The following TEK variants were observed in gnomAD, a reference collection of about 807,000 sequenced individuals.
TEK encodes the protein angiopoietin-1 receptor.
Under a neutral mutation model 131.8 loss-of-function variants are expected in TEK, and 43 were observed. The ratio of observed to expected loss-of-function variants is 0.33; its 90% CI spans 0.26 to 0.42. The LOEUF is 0.42. Among genes scored for constraint, TEK ranks in the 10% least tolerant of loss-of-function variants. TEK has a pLI of 1.00. For synonymous variants in TEK, 580 were observed against 491.6 expected (o/e 1.18, Z -2.38); for missense variants, 1,162 against 1,384.4 (o/e 0.84, Z 2.55).
At chr9:27,175,744 A>G (rs1268469820) in intron 6 of TEK, among the ~76,000 whole-genome samples, 1 of 152,138 alleles carries the variant, frequency 6.6e-6, no homozygotes, top group East Asian at 1.9e-4. Context: ...GCCAGTGATG[A>G]TGAGCATTTT....
chr9:27,136,167 C>G (rs1822426820), intron 1 of TEK, among the ~76,000 whole-genome samples: 1 of 150,924 alleles, frequency 6.6e-6, no homozygotes, highest in Admixed American at 6.6e-5. Flanking sequence ...CTGCAACCTC[C>G]CCATCCCAGG....
At chr9:27,180,148 G>T (rs1824309657) in intron 6 of TEK, 92 bp from the exon 7 acceptor site, 1 of 1,572,604 alleles carries the variant, frequency 6.4e-7, no homozygotes, top group Non-Finnish European at 8.7e-7. Context: ...AAAGTTGATG[G>T]CTTAGAGAGA....
chr9:27,109,243 A>T lies in TEK; in HGVS notation c.-348A>T. ...AAAATTCCTCTGCCCCTACAGCAGC[A>T]GCAAAAGCAGCAGCAGAAGCAACAG... On this transcript the variant is annotated 5_prime_UTR_variant, in exon 1 of 23. Coordinates refer to ENST00000380036, the MANE Select transcript of TEK (RefSeq NM_000459.5). The T allele has an allele frequency of 1.9e-6, 1 of 531,494 alleles. No homozygotes were observed. The highest frequency in any genetic ancestry group is 3.3e-6 in the Non-Finnish European group (1 of 305,614). 32.9% of individuals were successfully genotyped at this position (531,494 alleles called of 1,614,324 possible). A position where few individuals can be genotyped will look rare whatever the true frequency, so the allele number is the denominator to read the frequency against.
chr9:27,126,236 C>G (rs1821983935), intron 1 of TEK, among the ~76,000 whole-genome samples: 1 of 152,136 alleles, frequency 6.6e-6, no homozygotes, highest in South Asian at 2.1e-4. Context: ...ACAAAGCTTA[C>G]CTAACACATA....
chr9:27,173,197 A>C (rs748761758), intron 5 of TEK, 25 bp from the exon 6 acceptor site: 1 of 1,613,898 alleles, frequency 6.2e-7, no homozygotes, highest in Admixed American at 1.7e-5. Flanking sequence ...TTGACTCTGA[A>C]TCATCTTTTC....
At chr9:27,142,845 G>A (rs1336065444) in intron 1 of TEK, among the ~76,000 whole-genome samples, 1 of 152,206 alleles carries the variant, frequency 6.6e-6, no homozygotes, top group African/African-American at 2.4e-5. Context: ...GAGGTATAAT[G>A]TCTAATTCAT....
At chr9:27,170,045 A>G (rs753223377) in intron 4 of TEK, among the ~76,000 whole-genome samples, 3 of 152,158 alleles carry the variant, frequency 2.0e-5, no homozygotes, top group Non-Finnish European at 4.4e-5. Flanking sequence ...ATTTACAATC[A>G]TGGCAAAAGA....
intron 1 of TEK, among the ~76,000 whole-genome samples, chr9:27,136,372 G>T (rs891307184): frequency 6.6e-6 from 1 of 152,114 alleles, no homozygotes; most frequent in Non-Finnish European, 1.5e-5. Flanking sequence ...GAGCCACTGC[G>T]CCGGTCCCTA....
intron 2 of TEK, among the ~76,000 whole-genome samples, chr9:27,164,462 G>A (rs934370918): frequency 4.0e-5 from 6 of 151,898 alleles, no homozygotes; most frequent in Non-Finnish European, 8.8e-5. Flanking sequence ...TGGGACTACA[G>A]GCGCCCGCTA....
chr9:27,224,049 TG>T lies in TEK; in HGVS notation c.3200+3905del, dbSNP rs1175029177. On this transcript the variant is annotated intron_variant, in intron 21 of 22. Transcript: ENST00000380036. ...ATTCATGGACACATACATCCTCCTATGTTTAAACCAGGAAGAAGTCGAATCC... is the reference window on the plus strand; with the variant it reads ...ATTCATGGACACATACATCCTCCTATTTTAAACCAGGAAGAAGTCGAATCC... 2.0e-5 allele frequency among the ~76,000 whole-genome samples: 3 copies of T among 152,172 alleles called. No individual in the cohort carries two copies. In the East Asian group the frequency reaches 5.8e-4, roughly 29 times the overall value.
chr9:27,163,580 T>C (rs1192546806), intron 2 of TEK, among the ~76,000 whole-genome samples: 2 of 152,110 alleles, frequency 1.3e-5, no homozygotes, highest in East Asian at 1.9e-4. Flanking sequence ...GTGGCTGGAA[T>C]TGAGAGCTAA....
chr9:27,169,346 C>A, intron 3 of TEK, 131 bp from the exon 4 acceptor site: 2 of 1,193,060 alleles, frequency 1.7e-6, no homozygotes, highest in Non-Finnish European at 1.2e-6. Context: ...TTTCATTCTT[C>A]TCCCACATCC....
At chr9:27,149,443 T>C (rs1587519414) in intron 1 of TEK, among the ~76,000 whole-genome samples, 1 of 151,794 alleles carries the variant, frequency 6.6e-6, no homozygotes, top group African/African-American at 2.4e-5. Context: ...GTGTTTATTA[T>C]GTATTATATA....
rs150236410 is a variant in TEK at position 27,192,546 on chromosome 9, G to T, written c.1547G>T (p.Cys516Phe). The part of the protein sequence containing the change: ...YLEPRTEYEL[C>F]VQLVRRGEGG... ...GAACCTCGGACAGAATATGAACTCTGTGTGCAACTGGTCCGTCGTGGAGAG... is the reference window on the plus strand; with the variant it reads ...GAACCTCGGACAGAATATGAACTCTTTGTGCAACTGGTCCGTCGTGGAGAG... Residue 516 changes from cysteine to phenylalanine, a missense_variant, in exon 11 of 23, where the codon TGT becomes TTT. This residue lies in a region of TEK where 477 missense variants were observed against 471.0 expected (regional missense o/e 1.01). Coordinates refer to ENST00000380036, the MANE Select transcript of TEK (RefSeq NM_000459.5). 3 of 1,614,014 alleles carry T rather than the reference G, an allele frequency of 1.9e-6. No homozygotes were observed. The highest frequency in any genetic ancestry group is 1.1e-5 in the South Asian group (1 of 91,076).
At chr9:27,137,163 C>A (rs1278266377) in intron 1 of TEK, among the ~76,000 whole-genome samples, 1 of 152,036 alleles carries the variant, frequency 6.6e-6, no homozygotes, top group African/African-American at 2.4e-5. Flanking sequence ...GTTGATCCAC[C>A]CGCCTCGGCC....
chr9:27,190,471 G>C, intron 9 of TEK, 58 bp from the exon 10 acceptor site: 1 of 1,606,858 alleles, frequency 6.2e-7, no homozygotes, highest in Non-Finnish European at 8.5e-7. Flanking sequence ...CTCTACCTAA[G>C]AACAATCACA....
chr9:27,181,129 C>T (rs1564080621), intron 7 of TEK, among the ~76,000 whole-genome samples: 1 of 152,140 alleles, frequency 6.6e-6, no homozygotes, highest in South Asian at 2.1e-4. Flanking sequence ...TGACCCTTCT[C>T]GCAGTAGAAA....
At chr9:27,109,692 T>A (rs1392898973) in intron 1 of TEK, 50 bp downstream of exon 1, 4 of 1,591,280 alleles carry the variant, frequency 2.5e-6, no homozygotes, top group Non-Finnish European at 3.4e-6. Context: ...AAAACAGAGT[T>A]AGTGATTTCT....
intron 1 of TEK, among the ~76,000 whole-genome samples, chr9:27,123,732 C>T (rs1012346725): frequency 6.6e-6 from 1 of 152,182 alleles, no homozygotes; most frequent in African/African-American, 2.4e-5. Flanking sequence ...CCAGAGAAGT[C>T]AGCATTTTGT....
Sources: allele counts gnomAD v4.1 joint callset (sites outside exome capture counted in the v4.1 genomes callset), GRCh38; gene constraint gnomAD v4.1.1; regional missense constraint gnomAD v4.1.1; transcripts MANE v1.5; gene names NCBI Gene and HGNC (gene_info 2026-07-23, HGNC 2026-07-21).